PRLR: variants seen among roughly 807,000 people sequenced by gnomAD.
PRLR encodes prolactin receptor.
PRLR carries 13 observed loss-of-function variants against 40.2 expected under a neutral mutation model. The observed-to-expected ratio is 0.32, with a 90% CI of 0.21 to 0.51. The LOEUF is 0.51. Ranked by LOEUF, PRLR falls within the 20% of genes least tolerant of loss-of-function variation. The pLI, the probability that PRLR is intolerant of heterozygous loss-of-function variation, is 0.97. For missense variants in PRLR, 656 were observed against 747.3 expected, an observed-to-expected ratio of 0.88 and a Z score of 1.42; for synonymous variants, 269 against 278.7, an observed-to-expected ratio of 0.97 and a Z score of 0.35.
At chr5:35,085,317 AT>A (rs1298480516) in intron 4 of PRLR, among the ~76,000 whole-genome samples, 16 of 152,152 alleles carry the variant, frequency 1.1e-4, no homozygotes, top group African/African-American at 3.9e-4. Context: ...GTCCCTTTGG[AT>A]TTCAGCCGGG....
intron 1 of PRLR, among the ~76,000 whole-genome samples, chr5:35,133,259 T>C (rs1300681242): frequency 4.6e-5 from 7 of 152,168 alleles, no homozygotes; most frequent in African/African-American, 7.2e-5. Context: ...AGACGGCACA[T>C]AATAGGACTT....
At chr5:35,160,680 T>G (rs1310991463) in intron 1 of PRLR, among the ~76,000 whole-genome samples, 1 of 152,172 alleles carries the variant, frequency 6.6e-6, no homozygotes, top group African/African-American at 2.4e-5. Flanking sequence ...GTTTTCAGGT[T>G]TTTTGCATGT....
chr5:35,059,343 T>C lies in PRLR; in HGVS notation c.*5746A>G, dbSNP rs1768901557. 6.6e-6 allele frequency: 1 copy of C among 152,208 alleles called. No homozygotes were observed. Among genetic ancestry groups the C allele is most frequent in the Non-Finnish European group, 1.5e-5 (1 of 68,034 alleles). The allele number at this position is 152,208 out of a possible 1,614,324, so 9.4% of individuals were successfully genotyped here. On this transcript the variant is annotated 3_prime_UTR_variant, in exon 10 of 10. Coordinates refer to ENST00000618457, the MANE Select transcript of PRLR (RefSeq NM_000949.7). ...TTTTCCTATTTTGAGACTTTACATGTCTCAGTACTTTCTAAATTGAAATCA... is the reference window on the plus strand; with the variant it reads ...TTTTCCTATTTTGAGACTTTACATGCCTCAGTACTTTCTAAATTGAAATCA...
At chr5:35,206,647 A>G (rs1320434067) in intron 1 of PRLR, among the ~76,000 whole-genome samples, 2 of 152,122 alleles carry the variant, frequency 1.3e-5, no homozygotes, top group African/African-American at 4.8e-5. Context: ...CATGTCTTTG[A>G]CTTTGCTAAG....
chr5:35,152,596 A>T lies in PRLR; in HGVS notation c.-105-34474T>A, dbSNP rs1774372805. Among the ~76,000 whole-genome samples the T allele has an allele frequency of 2.6e-5, 4 of 152,220 alleles. No individual in the cohort carries two copies. In the South Asian group the frequency reaches 8.3e-4, roughly 31 times the overall value. ...CAAATGGACAACATGAACCCACACT[A>T]GTACAAGTATTGTCTAAGTAAGCTC... On this transcript the variant is annotated intron_variant, in intron 1 of 9. Coordinates refer to ENST00000618457, the MANE Select transcript of PRLR (RefSeq NM_000949.7).
intron 5 of PRLR, among the ~76,000 whole-genome samples, chr5:35,079,986 T>G (rs563654300): frequency 2.6e-5 from 4 of 152,364 alleles, no homozygotes; most frequent in Non-Finnish European, 5.9e-5. Context: ...GCTAGCCATA[T>G]GTAGAAAGCT....
intron 6 of PRLR, among the ~76,000 whole-genome samples, chr5:35,072,020 C>T (rs955116996): frequency 1.3e-4 from 19 of 151,954 alleles, no homozygotes; most frequent in East Asian, 1.9e-4. Flanking sequence ...TTCAGCCTCC[C>T]GAGGAGCTGG....
Position 35,142,707 on chromosome 5 carries a change from T to C in PRLR, c.-105-24585A>G, listed in dbSNP as rs545611017. Among the ~76,000 whole-genome samples, 17 of 152,356 alleles carry C rather than the reference T, an allele frequency of 1.1e-4. No homozygotes were observed. In the East Asian group the frequency reaches 3.3e-3, roughly 29 times the overall value. ...CAAGATGGTGCACGATGCTTCTTCCTTTTGCAAATTAGGAACAGATAGGCA... is the reference window on the plus strand; with the variant it reads ...CAAGATGGTGCACGATGCTTCTTCCCTTTGCAAATTAGGAACAGATAGGCA... On this transcript the variant is annotated intron_variant, in intron 1 of 9. Transcript: ENST00000618457.
At chr5:35,078,612 C>T (rs373198010) in intron 5 of PRLR, among the ~76,000 whole-genome samples, 13 of 152,066 alleles carry the variant, frequency 8.5e-5, no homozygotes, top group East Asian at 1.9e-4. Flanking sequence ...GATTCACAGC[C>T]GAATTCTACC....
intron 1 of PRLR, among the ~76,000 whole-genome samples, chr5:35,173,859 T>C (rs919688385): frequency 6.6e-6 from 1 of 152,194 alleles, no homozygotes; most frequent in Non-Finnish European, 1.5e-5. Context: ...ATACTTTAAG[T>C]TCTAGGGTAC....
intron 1 of PRLR, among the ~76,000 whole-genome samples, chr5:35,153,775 ACC>A (rs908045180): frequency 1.6e-4 from 24 of 148,564 alleles, no homozygotes; most frequent in African/African-American, 6.2e-4. Flanking sequence ...ACACACACAC[ACC>A]CCATTGTTAT....
At chr5:35,110,403 G>GT (rs1339706355) in intron 2 of PRLR, among the ~76,000 whole-genome samples, 1 of 152,098 alleles carries the variant, frequency 6.6e-6, no homozygotes, top group African/African-American at 2.4e-5. Flanking sequence ...GTAGACAGGA[G>GT]TGAGGGGCTC....
intron 2 of PRLR, among the ~76,000 whole-genome samples, chr5:35,113,274 T>TATCC (rs146132323): frequency 1.3e-3 from 172 of 135,992 alleles, no homozygotes; most frequent in Admixed American, 5.3e-3. Flanking sequence ...CCCACCCATT[T>TATCC]ATCCATCCAT....
At chr5:35,118,624 T>C (rs770549922) in intron 1 of PRLR, among the ~76,000 whole-genome samples, 4 of 152,202 alleles carry the variant, frequency 2.6e-5, no homozygotes, top group African/African-American at 9.7e-5. Flanking sequence ...TAGTTGGGAT[T>C]AGATTTCATA....
chr5:35,053,610 G>A (rs114410585), downstream of PRLR, among the ~76,000 whole-genome samples: 1,705 of 152,252 alleles, frequency 0.011, 21 homozygotes, highest in Non-Finnish European at 0.017. Context: ...AGGGTACCTA[G>A]GGATGAATCT....
chr5:35,122,837 G>A (rs939830621), intron 1 of PRLR, among the ~76,000 whole-genome samples: 4 of 152,180 alleles, frequency 2.6e-5, no homozygotes, highest in African/African-American at 9.7e-5. Flanking sequence ...CCTTGTTTAG[G>A]AGTAGAGGTA....
In PRLR at chr5:35,058,087, G is replaced by T. The variant is rs1435060429; in HGVS notation, c.*7002C>A. The T allele has an allele frequency of 6.6e-6, 1 of 151,894 alleles. No individual in the cohort carries two copies. The highest frequency in any genetic ancestry group is 1.5e-5 in the Non-Finnish European group (1 of 67,972). 9.4% of individuals were successfully genotyped at this position (151,894 alleles called of 1,614,324 possible). ...TATAAAATATAAACATGTAAGAATG[G>T]TTATTCAGAAACTCTTGCATAACCC... On this transcript the variant is annotated 3_prime_UTR_variant, in exon 10 of 10. Coordinates refer to ENST00000618457, the MANE Select transcript of PRLR (RefSeq NM_000949.7).
At chr5:35,117,127 C>T (rs73767516) in intron 2 of PRLR, among the ~76,000 whole-genome samples, 8,985 of 152,146 alleles carry the variant, frequency 0.059, 904 homozygotes, top group African/African-American at 0.2. Flanking sequence ...CCACCCAAAA[C>T]GATCCGACCC....
intron 2 of PRLR, among the ~76,000 whole-genome samples, chr5:35,111,910 C>G (rs1772683678): frequency 6.6e-6 from 1 of 152,172 alleles, no homozygotes; most frequent in African/African-American, 2.4e-5. Flanking sequence ...AAATAAAAAG[C>G]TATTACTATC....
Sources: gnomAD v4.1 joint callset for allele counts (sites outside exome capture counted in the v4.1 genomes callset) on GRCh38, gnomAD v4.1.1 for gene constraint, MANE v1.5 for transcripts, NCBI Gene and HGNC (gene_info 2026-07-23, HGNC 2026-07-21) for gene names.